DLG2: variants seen among roughly 807,000 people sequenced by gnomAD.
DLG2 encodes disks large homolog 2.
Under a neutral mutation model 132.5 loss-of-function variants are expected in DLG2, and 45 were observed. The ratio of observed to expected loss-of-function variants is 0.34; its 90% CI spans 0.27 to 0.44. The LOEUF is 0.44. DLG2 is among the 20% of genes least tolerant of loss of function. The pLI is 1.00. For missense variants in DLG2, 1,045 were observed against 1,196.9 expected (o/e 0.87, Z 1.87); for synonymous variants, 424 against 419.6 (o/e 1.01, Z -0.13).
chr11:83,882,705 A>T (rs113892605), intron 15 of DLG2, among the ~76,000 whole-genome samples: 2,888 of 152,318 alleles, frequency 0.019, 96 homozygotes, highest in African/African-American at 0.065. Context: ...GCAGTTTTTT[A>T]AATAAATGAA....
At chr11:84,955,341 TGAG>T (rs2051506842) in intron 6 of DLG2, 1 of 152,190 alleles carries the variant, frequency 6.6e-6, no homozygotes, top group African/African-American at 2.4e-5. Context: ...CATTTACAGA[TGAG>T]AAGACTTTGG....
At chr11:84,639,002 G>T (rs1374791301) in intron 6 of DLG2, among the ~76,000 whole-genome samples, 1 of 152,168 alleles carries the variant, frequency 6.6e-6, no homozygotes, top group Non-Finnish European at 1.5e-5. Context: ...TAAAATCTGA[G>T]AGCACTCAGT....
chr11:84,665,103 G>A (rs1223777517), intron 6 of DLG2, among the ~76,000 whole-genome samples: 2 of 152,024 alleles, frequency 1.3e-5, no homozygotes, highest in East Asian at 3.9e-4. Context: ...CTTACCTAGA[G>A]ACAAGCTATA....
At chr11:84,189,453 C>T (rs138088755) in intron 8 of DLG2, among the ~76,000 whole-genome samples, 1 of 152,132 alleles carries the variant, frequency 6.6e-6, no homozygotes, top group Admixed American at 6.6e-5. Flanking sequence ...ACCATTTGGT[C>T]CAGCAATCCA....
chr11:84,544,633 A>T lies in DLG2; in HGVS notation c.358-9902T>A, dbSNP rs537294378. Among the ~76,000 whole-genome samples, 21 of 152,290 alleles carry T rather than the reference A, an allele frequency of 1.4e-4. No homozygotes were observed. The South Asian group carries it at 4.4e-3, about 32-fold the overall frequency. Reference sequence around the variant, plus strand: ...GGTTATACTACTTGCTATCTGGGAGACATCTATCACATTGCTGGATACAAC... The same window carrying T: ...GGTTATACTACTTGCTATCTGGGAGTCATCTATCACATTGCTGGATACAAC... On this transcript the variant is annotated intron_variant, in intron 6 of 27. Transcript: ENST00000376104.
chr11:84,083,508 T>G, intron 10 of DLG2, among the ~76,000 whole-genome samples: 1 of 152,176 alleles, frequency 6.6e-6, no homozygotes, highest in East Asian at 1.9e-4. Flanking sequence ...GCAACAGTGT[T>G]GGGAGGTCAG....
chr11:85,459,325 G>A (rs2092527613), intron 3 of DLG2, among the ~76,000 whole-genome samples: 1 of 152,114 alleles, frequency 6.6e-6, no homozygotes, highest in African/African-American at 2.4e-5. Flanking sequence ...TTGAGGAGTG[G>A]GGGTTCGAGT....
At chr11:84,483,146 A>C (rs964501148) in intron 7 of DLG2, among the ~76,000 whole-genome samples, 1 of 152,140 alleles carries the variant, frequency 6.6e-6, no homozygotes, top group Non-Finnish European at 1.5e-5. Flanking sequence ...AATTACAATT[A>C]AACTGCCTGG....
chr11:84,368,961 T>G (rs1284620399), intron 7 of DLG2, among the ~76,000 whole-genome samples: 1 of 152,120 alleles, frequency 6.6e-6, no homozygotes, highest in Non-Finnish European at 1.5e-5. Flanking sequence ...TCAAAATATT[T>G]TTTTTGAAAT....
Position 84,417,365 on chromosome 11 carries a change from C to T in DLG2, c.519+117205G>A, listed in dbSNP as rs557237094. On this transcript the variant is annotated intron_variant, in intron 7 of 27. Transcript: ENST00000376104. Reference sequence around the variant, plus strand: ...AAATGCAACAAGACATGGAAAGTATCTAGCATTATGCCTGGTACATATTAA... The same window carrying T: ...AAATGCAACAAGACATGGAAAGTATTTAGCATTATGCCTGGTACATATTAA... Among the ~76,000 whole-genome samples the T allele has an allele frequency of 7.3e-4, 111 of 152,304 alleles. 1 individual carries two copies. The highest frequency in any genetic ancestry group is 2.6e-3 in the African/African-American group (110 of 41,558).
At chr11:84,341,951 C>T (rs572452219) in intron 7 of DLG2, among the ~76,000 whole-genome samples, 48 of 152,300 alleles carry the variant, frequency 3.2e-4, no homozygotes, top group South Asian at 1.4e-3. Context: ...GGAGATATGA[C>T]ATTTGGCATC....
intron 3 of DLG2, among the ~76,000 whole-genome samples, chr11:85,462,023 T>C (rs913599660): frequency 6.6e-6 from 1 of 152,262 alleles, no homozygotes; most frequent in African/African-American, 2.4e-5. Context: ...AAGAAGACAT[T>C]TATGCAGTCA....
intron 6 of DLG2, among the ~76,000 whole-genome samples, chr11:85,071,538 A>G (rs2065867535): frequency 6.6e-6 from 1 of 151,878 alleles, no homozygotes; most frequent in Non-Finnish European, 1.5e-5. Context: ...TCTTGTTCAT[A>G]TGGAATATAA....
intron 18 of DLG2, among the ~76,000 whole-genome samples, chr11:83,770,278 T>TTTTTTTTTTTTTTTTTTTTTTAA (rs1357001300): frequency 6.6e-6 from 1 of 151,578 alleles, no homozygotes. Context: ...TTTTTGCTTT[T>TTTTTTTTTTTTTTTTTTTTTTAA]TGTACAAAGA....
chr11:83,591,256 A>G lies in DLG2; in HGVS notation c.1940+41955T>C, dbSNP rs879506937. Reference sequence around the variant, plus strand: ...AAAAATCCTCAATAAAATACTGGCAAAACGAATCCAGCAGCACATCAAAAA... The same window carrying G: ...AAAAATCCTCAATAAAATACTGGCAGAACGAATCCAGCAGCACATCAAAAA... On this transcript the variant is annotated intron_variant, in intron 19 of 27. Coordinates refer to ENST00000376104, the MANE Select transcript of DLG2 (RefSeq NM_001142699.3). 6.2e-3 allele frequency among the ~76,000 whole-genome samples: 843 copies of G among 135,916 alleles called. 11 individuals are homozygous for G. Among genetic ancestry groups the G allele is most frequent in the Admixed American group, 0.031 (389 of 12,488 alleles). 89.2% of individuals were successfully genotyped at this position (135,916 alleles called of 152,430 possible).
intron 3 of DLG2, among the ~76,000 whole-genome samples, chr11:85,562,518 T>C (rs1223916665): frequency 6.6e-6 from 1 of 151,836 alleles, no homozygotes; most frequent in Non-Finnish European, 1.5e-5. Context: ...TACAGACTTC[T>C]GAGAGGTAAG....
intron 4 of DLG2, among the ~76,000 whole-genome samples, chr11:85,206,567 A>G (rs1305938129): frequency 6.6e-6 from 1 of 152,226 alleles, no homozygotes; most frequent in African/African-American, 2.4e-5. Context: ...ATTTTATCCC[A>G]ATAAATGTGA....
At chr11:85,524,181 C>T (rs1157757829) in intron 3 of DLG2, among the ~76,000 whole-genome samples, 1 of 151,726 alleles carries the variant, frequency 6.6e-6, no homozygotes, top group Non-Finnish European at 1.5e-5. Flanking sequence ...TATTTGGTAG[C>T]AAAGCAGGGT....
intron 7 of DLG2, among the ~76,000 whole-genome samples, chr11:84,506,285 C>T (rs963420753): frequency 5.3e-5 from 8 of 151,512 alleles, no homozygotes; most frequent in Non-Finnish European, 8.8e-5. Context: ...CCGTTTTAGC[C>T]GGGATGGTCT....
Sources: gnomAD v4.1 joint callset for allele counts (sites outside exome capture counted in the v4.1 genomes callset) on GRCh38, gnomAD v4.1.1 for gene constraint, MANE v1.5 for transcripts, NCBI Gene and HGNC (gene_info 2026-07-23, HGNC 2026-07-21) for gene names.